AOPEP: variants seen among roughly 807,000 people sequenced by gnomAD.
The protein encoded by AOPEP is aminopeptidase O.
AOPEP carries 77 observed loss-of-function variants against 98.1 expected under a neutral mutation model. The observed-to-expected ratio is 0.78, with a 90% CI of 0.65 to 0.95. The LOEUF is 0.95. AOPEP is among the 40% of genes least tolerant of loss of function. The probability of loss-of-function intolerance (pLI) is 0.00; values close to 1 mark genes in which losing one functional copy is unlikely to be tolerated. For missense variants in AOPEP, 1,024 were observed against 1,024.7 expected, an observed-to-expected ratio of 1.00 and a Z score of 0.01; for synonymous variants, 346 against 365.3, an observed-to-expected ratio of 0.95 and a Z score of 0.60.
At chr9:95,041,609 A>C in intron 13 of AOPEP, among the ~76,000 whole-genome samples, 1 of 152,150 alleles carries the variant, frequency 6.6e-6, no homozygotes, top group Non-Finnish European at 1.5e-5. Context: ...ACATCACTAA[A>C]CAGGGATGGC....
chr9:95,006,225 C>T (rs1011827741), intron 13 of AOPEP: 2 of 351,900 alleles, frequency 5.7e-6, no homozygotes, highest in African/African-American at 2.1e-5. Context: ...GTAAGTAGCC[C>T]GTTGTTTTCT....
At chr9:95,059,258 C>T (rs1284392323) in intron 13 of AOPEP, among the ~76,000 whole-genome samples, 1 of 152,208 alleles carries the variant, frequency 6.6e-6, no homozygotes, top group African/African-American at 2.4e-5. Flanking sequence ...CGCCTTGTTT[C>T]TCCTGAGAGA....
At chr9:94,795,172 C>G (rs1435232615) in intron 4 of AOPEP, among the ~76,000 whole-genome samples, 1 of 152,102 alleles carries the variant, frequency 6.6e-6, no homozygotes, top group African/African-American at 2.4e-5. Flanking sequence ...AGTAGCAATA[C>G]CTGGATTTAT....
intron 6 of AOPEP, among the ~76,000 whole-genome samples, chr9:94,925,197 G>A (rs891561133): frequency 6.6e-6 from 1 of 152,154 alleles, no homozygotes; most frequent in Non-Finnish European, 1.5e-5. Flanking sequence ...CGCCATATTG[G>A]CCAGTCTGGT....
chr9:95,118,669 GTTTTC>G, the AOPEP span, among the ~76,000 whole-genome samples: 1 of 152,174 alleles, frequency 6.6e-6, no homozygotes, highest in Non-Finnish European at 1.5e-5. Flanking sequence ...CATAAAGTAT[GTTTTC>G]TTTTGTGTCT....
chr9:94,754,941 T>C (rs1186015921), intron 1 of AOPEP, among the ~76,000 whole-genome samples: 1 of 152,196 alleles, frequency 6.6e-6, no homozygotes, highest in African/African-American at 2.4e-5. Context: ...CAGTTTCTTC[T>C]TTGTGCCATA....
In AOPEP at chr9:95,086,612, C is replaced by T. The variant is rs2070737197; in HGVS notation, c.*5-70C>T. On this transcript the variant is annotated intron_variant, in intron 16 of 16. Transcript: ENST00000375315. ...CTTGAAAGTGGAGAGCAAAGGCACA[C>T]AGAGGTGCGCGCTCACAAGAATTCC... 1.1e-5 allele frequency: 11 copies of T among 990,888 alleles called. No individual in the cohort carries two copies. In the South Asian group the frequency reaches 3.2e-4, roughly 29 times the overall value. 61.4% of individuals were successfully genotyped at this position (990,888 alleles called of 1,614,324 possible).
intron 13 of AOPEP, among the ~76,000 whole-genome samples, chr9:95,051,029 T>TA (rs1157270034): frequency 6.6e-6 from 1 of 152,194 alleles, no homozygotes; most frequent in East Asian, 1.9e-4. Flanking sequence ...CTTCTGTTGC[T>TA]ATTCTTTTTC....
intron 16 of AOPEP, chr9:95,085,381 A>G (rs1375766298): frequency 1.6e-5 from 8 of 501,446 alleles, no homozygotes; most frequent in African/African-American, 9.7e-5. Flanking sequence ...TTTGGAAACA[A>G]AAGAAGCCAC....
In AOPEP at chr9:95,004,249, G is replaced by T. The variant is rs1002334705; in HGVS notation, c.1978-909G>T. 3 of 456,700 alleles carry T rather than the reference G, an allele frequency of 6.6e-6. No individual in the cohort carries two copies. In the Admixed American group the frequency reaches 7.0e-5, roughly 11 times the overall value. The allele number at this position is 456,700 out of a possible 1,614,324, so 28.3% of individuals were successfully genotyped here. A position where few individuals can be genotyped will look rare whatever the true frequency, so the allele number is the denominator to read the frequency against. On this transcript the variant is annotated intron_variant, in intron 11 of 16. Transcript: ENST00000375315. ...ATGCGGATGAGAAGGCCTTTGGCGG[G>T]TGGAGGAAAATCTTGGGGTATCGCA... is the stretch of plus-strand genomic sequence containing the variant.
intron 5 of AOPEP, among the ~76,000 whole-genome samples, chr9:94,819,422 C>T (rs1852472417): frequency 6.6e-6 from 1 of 152,196 alleles, no homozygotes. Flanking sequence ...CTGCCCGCCA[C>T]TCTTCCTCTG....
the AOPEP span, among the ~76,000 whole-genome samples, chr9:95,115,964 C>T: frequency 6.6e-6 from 1 of 152,338 alleles, no homozygotes; most frequent in Admixed American, 6.5e-5. Flanking sequence ...AACACTTCTT[C>T]AATCTGTGAC....
intron 9 of AOPEP, among the ~76,000 whole-genome samples, chr9:94,960,880 G>T (rs1013636118): frequency 3.3e-5 from 5 of 151,774 alleles, no homozygotes; most frequent in East Asian, 1.9e-4. Flanking sequence ...GGCGCGGTGG[G>T]GGGCGCCTGT....
At chr9:95,134,434 C>T in the AOPEP span, among the ~76,000 whole-genome samples, 1 of 152,148 alleles carries the variant, frequency 6.6e-6, no homozygotes, top group Non-Finnish European at 1.5e-5. Flanking sequence ...CGGCCACTAA[C>T]TAAAGACCGG....
chr9:94,849,886 T>C (rs545137118), intron 5 of AOPEP, among the ~76,000 whole-genome samples: 1 of 152,092 alleles, frequency 6.6e-6, no homozygotes, highest in East Asian at 1.9e-4. Flanking sequence ...AATACAAAAA[T>C]TAGCCAGGCG....
chr9:95,108,041 A>G, the AOPEP span, among the ~76,000 whole-genome samples: 2 of 152,248 alleles, frequency 1.3e-5, no homozygotes, highest in Non-Finnish European at 2.9e-5. Flanking sequence ...CAAATGCCAC[A>G]TGGAACTCGT....
At chr9:95,125,226 A>G in the AOPEP span, 19 of 1,536,032 alleles carry the variant, frequency 1.2e-5, no homozygotes, top group South Asian at 2.1e-4. Context: ...TTTAACAAGT[A>G]ATCCGGCAAA....
the AOPEP span, among the ~76,000 whole-genome samples, chr9:95,092,823 G>C: frequency 6.6e-6 from 1 of 152,152 alleles, no homozygotes; most frequent in Non-Finnish European, 1.5e-5. Context: ...CGACTGGATC[G>C]GACGCTCATG....
intron 7 of AOPEP, among the ~76,000 whole-genome samples, chr9:94,941,906 C>T (rs2057051643): frequency 6.6e-6 from 1 of 152,042 alleles, no homozygotes. Context: ...TTTCAAAGCA[C>T]ATAGTAAGAA....
Sources: allele counts gnomAD v4.1 joint callset (sites outside exome capture counted in the v4.1 genomes callset), GRCh38; gene constraint gnomAD v4.1.1; transcripts MANE v1.5; gene names NCBI Gene and HGNC (gene_info 2026-07-23, HGNC 2026-07-21).